CA8: variants seen among roughly 807,000 people sequenced by gnomAD.
CA8 encodes the protein carbonic anhydrase 8 (inactive).
In CA8, 22 loss-of-function variants were observed where a neutral mutation model predicts 41.4. The ratio of observed to expected loss-of-function variants is 0.53; its 90% CI spans 0.38 to 0.76. CA8 has a LOEUF of 0.76. Among genes scored for constraint, CA8 ranks in the 30% least tolerant of loss-of-function variants. CA8 has a pLI of 0.00. For synonymous variants in CA8, 121 were observed against 130.6 expected (o/e 0.93, Z 0.50); for missense variants, 270 against 352.8 (o/e 0.77, Z 1.88).
chr8:60,276,037 T>C (rs372076643), intron 2 of CA8, among the ~76,000 whole-genome samples: 2 of 152,242 alleles, frequency 1.3e-5, no homozygotes, highest in African/African-American at 2.4e-5. Flanking sequence ...TACAGACACA[T>C]AGGCATCCAA....
intron 3 of CA8, among the ~76,000 whole-genome samples, chr8:60,238,169 A>T (rs550379101): frequency 6.6e-6 from 1 of 152,368 alleles, no homozygotes; most frequent in Admixed American, 6.5e-5. Context: ...AGAAATTGCG[A>T]CATGCCACAG....
intron 2 of CA8, among the ~76,000 whole-genome samples, chr8:60,276,992 G>A (rs900756333): frequency 3.3e-5 from 5 of 151,828 alleles, no homozygotes; most frequent in African/African-American, 4.8e-5. Flanking sequence ...GGTGGCGGGC[G>A]CCTGTAATCC....
chr8:60,195,968 CAT>C (rs1289903291), intron 8 of CA8, among the ~76,000 whole-genome samples: 1 of 152,154 alleles, frequency 6.6e-6, no homozygotes, highest in East Asian at 1.9e-4. Context: ...AATCCAAGCA[CAT>C]GAGACATTTT....
chr8:60,225,077 T>C (rs1224932792), intron 5 of CA8, among the ~76,000 whole-genome samples: 2 of 152,070 alleles, frequency 1.3e-5, no homozygotes, highest in Non-Finnish European at 1.5e-5. Context: ...CTATGCTAGA[T>C]GCTCTCCTCA....
rs1030889613 is a variant in CA8 at position 60,189,163 on chromosome 8, T to C, written c.*858A>G. 5 of 152,140 alleles carry C rather than the reference T, an allele frequency of 3.3e-5. No homozygotes were observed. The highest frequency in any genetic ancestry group is 9.7e-5 in the African/African-American group (4 of 41,444). The allele number at this position is 152,140 out of a possible 1,614,324, so 9.4% of individuals were successfully genotyped here. ...TAACATACCAAAGTAGTGGAATCAA[T>C]AGAATAAAATATTTAAGTCTTACAA... On this transcript the variant is annotated 3_prime_UTR_variant, in exon 9 of 9. Coordinates refer to ENST00000317995, the MANE Select transcript of CA8 (RefSeq NM_004056.6).
At chr8:60,212,260 G>A (rs549290638) in intron 7 of CA8, among the ~76,000 whole-genome samples, 2 of 152,294 alleles carry the variant, frequency 1.3e-5, no homozygotes, top group Middle Eastern at 3.4e-3. Flanking sequence ...CTTTATTAAT[G>A]CATTCAAAGG....
At chr8:60,195,177 C>A (rs1283049146) in intron 8 of CA8, among the ~76,000 whole-genome samples, 1 of 152,172 alleles carries the variant, frequency 6.6e-6, no homozygotes, top group Non-Finnish European at 1.5e-5. Flanking sequence ...ATACAATGAT[C>A]AGTGTTCATA....
chr8:60,273,554 G>A (rs569862755), intron 2 of CA8, among the ~76,000 whole-genome samples: 1 of 152,308 alleles, frequency 6.6e-6, no homozygotes, highest in Non-Finnish European at 1.5e-5. Flanking sequence ...ACTGCTCATG[G>A]GGTACATGCA....
At chr8:60,191,430 C>T (rs1806125130) in intron 8 of CA8, among the ~76,000 whole-genome samples, 1 of 151,990 alleles carries the variant, frequency 6.6e-6, no homozygotes, top group Non-Finnish European at 1.5e-5. Context: ...TCCAGTGTTT[C>T]CCAAACTATG....
In CA8 at chr8:60,186,105, G is replaced by C. The variant is rs1489030127; in HGVS notation, c.*3916C>G. ...AGACAAAATGAACATAACCAGAAAT[G>C]GTAAATTAAAAGCTTACTAGAAGAA... On this transcript the variant is annotated 3_prime_UTR_variant, in exon 9 of 9. Coordinates refer to ENST00000317995, the MANE Select transcript of CA8 (RefSeq NM_004056.6). Among the ~76,000 whole-genome samples the C allele has an allele frequency of 6.6e-6, 1 of 151,784 alleles. No homozygotes were observed. Among genetic ancestry groups the C allele is most frequent in the Non-Finnish European group, 1.5e-5 (1 of 67,876 alleles).
chr8:60,256,343 G>A (rs1172560617), intron 3 of CA8, among the ~76,000 whole-genome samples: 1 of 152,184 alleles, frequency 6.6e-6, no homozygotes, highest in Non-Finnish European at 1.5e-5. Flanking sequence ...CAAGCAAAAT[G>A]CCACTCTCCC....
intron 8 of CA8, among the ~76,000 whole-genome samples, chr8:60,195,717 C>G (rs1806262646): frequency 6.6e-6 from 1 of 152,098 alleles, no homozygotes; most frequent in Non-Finnish European, 1.5e-5. Context: ...GAGAGCTGAT[C>G]ACTGGTTATG....
At chr8:60,218,489 C>G (rs1807107417) in intron 7 of CA8, among the ~76,000 whole-genome samples, 1 of 152,082 alleles carries the variant, frequency 6.6e-6, no homozygotes, top group South Asian at 2.1e-4. Context: ...GACTCCACAT[C>G]AGTCTCAAAG....
intron 8 of CA8, among the ~76,000 whole-genome samples, chr8:60,200,340 G>A (rs902568867): frequency 6.6e-6 from 1 of 152,170 alleles, no homozygotes; most frequent in Non-Finnish European, 1.5e-5. Flanking sequence ...CCTTCTTCGG[G>A]AGATGGCTTC....
At chr8:60,227,277 A>G (rs778336617) in intron 4 of CA8, among the ~76,000 whole-genome samples, 20 of 151,998 alleles carry the variant, frequency 1.3e-4, no homozygotes, top group Non-Finnish European at 1.9e-4. Flanking sequence ...TGGATGACAC[A>G]GCAAGACTCT....
intron 8 of CA8, among the ~76,000 whole-genome samples, chr8:60,192,350 G>A (rs2130374875): frequency 6.6e-6 from 1 of 152,174 alleles, no homozygotes; most frequent in Non-Finnish European, 1.5e-5. Flanking sequence ...CTACTTCTTA[G>A]GGAATGTGTG....
intron 3 of CA8, among the ~76,000 whole-genome samples, chr8:60,253,723 T>G (rs1808527890): frequency 6.6e-6 from 1 of 152,144 alleles, no homozygotes; most frequent in Non-Finnish European, 1.5e-5. Flanking sequence ...GACCAGCATT[T>G]CTGCCCTGCC....
intron 2 of CA8, among the ~76,000 whole-genome samples, chr8:60,274,994 T>C (rs1585937445): frequency 6.6e-6 from 1 of 152,074 alleles, no homozygotes; most frequent in South Asian, 2.1e-4. Context: ...GATGATGAGA[T>C]CCCTGGCAGA....
chr8:60,248,534 T>A (rs987336062), intron 3 of CA8, among the ~76,000 whole-genome samples: 1 of 152,220 alleles, frequency 6.6e-6, no homozygotes, highest in African/African-American at 2.4e-5. Context: ...CTTGTTTTTG[T>A]CAGGTTTGTC....
Sources: allele counts gnomAD v4.1 joint callset (sites outside exome capture counted in the v4.1 genomes callset), GRCh38; gene constraint gnomAD v4.1.1; transcripts MANE v1.5; gene names NCBI Gene and HGNC (gene_info 2026-07-23, HGNC 2026-07-21).